The following DNAH8 variants were observed in gnomAD, a reference collection of about 807,000 sequenced individuals.
DNAH8 encodes the protein dynein axonemal heavy chain 8.
DNAH8 carries 382 observed loss-of-function variants against 562.1 expected under a neutral mutation model. The ratio of observed to expected loss-of-function variants is 0.68; its 90% CI spans 0.63 to 0.74. DNAH8 has a LOEUF of 0.74. Among genes scored for constraint, DNAH8 ranks in the 30% least tolerant of loss-of-function variants. The pLI is 0.00. For synonymous variants in DNAH8, 1,881 were observed against 1,919.4 expected, an observed-to-expected ratio of 0.98 and a Z score of 0.52; for missense variants, 5,203 against 5,620.4, an observed-to-expected ratio of 0.93 and a Z score of 2.37.
At chr6:38,893,420 G>C (rs1322639833) in intron 58 of DNAH8, among the ~76,000 whole-genome samples, 1 of 152,098 alleles carries the variant, frequency 6.6e-6, no homozygotes, top group African/African-American at 2.4e-5. Flanking sequence ...GAAGAAGAAG[G>C]AAAGAAAGGA....
chr6:38,783,234 A>C (rs1025074213), intron 17 of DNAH8, 95 bp downstream of exon 17: 1 of 1,094,068 alleles, frequency 9.1e-7, no homozygotes, highest in Non-Finnish European at 1.3e-6. Context: ...CCTTCCACAT[A>C]ATCTTAGGAT....
At chr6:39,006,362 T>C (rs549654348) in intron 88 of DNAH8, among the ~76,000 whole-genome samples, 1 of 152,362 alleles carries the variant, frequency 6.6e-6, no homozygotes, top group South Asian at 2.1e-4. Flanking sequence ...TGTTTATAGT[T>C]TCCTCTTTAA....
intron 72 of DNAH8, 92 bp downstream of exon 72, chr6:38,923,277 C>A: frequency 6.8e-7 from 1 of 1,470,410 alleles, no homozygotes; most frequent in South Asian, 1.3e-5. Flanking sequence ...TGAATCCCAT[C>A]ATCTATGACA....
intron 24 of DNAH8, among the ~76,000 whole-genome samples, chr6:38,812,738 G>GA (rs11308148): frequency 4.4e-4 from 65 of 148,446 alleles, no homozygotes; most frequent in Admixed American, 1.3e-3. Flanking sequence ...TCTTGAAGAT[G>GA]AAAAAAAAAA....
In DNAH8 at chr6:38,730,092, G is replaced by A. The variant is rs1486110902; in HGVS notation, c.610+106G>A. ...ATAATCCTTTATTTATAAAGAAAATGTTACCAGAAGTTTATGTATAAGAAA... is the reference window on the plus strand; with the variant it reads ...ATAATCCTTTATTTATAAAGAAAATATTACCAGAAGTTTATGTATAAGAAA... On this transcript the variant is annotated intron_variant, in intron 4 of 92. Coordinates refer to ENST00000327475, the MANE Select transcript of DNAH8 (RefSeq NM_001206927.2). The A allele has an allele frequency of 8.4e-6, 5 of 596,282 alleles. No homozygotes were observed. In the African/African-American group the frequency reaches 9.5e-5, roughly 11 times the overall value. 36.9% of individuals were successfully genotyped at this position (596,282 alleles called of 1,614,324 possible).
At chr6:38,982,226 T>A in intron 85 of DNAH8, 120 bp from the exon 86 acceptor site, 1 of 647,380 alleles carries the variant, frequency 1.5e-6, no homozygotes, top group Non-Finnish European at 2.8e-6. Context: ...TTGTATATAC[T>A]ATTCTTTTAA....
intron 69 of DNAH8, 48 bp downstream of exon 69, chr6:38,917,454 C>T (rs373237948): frequency 7.2e-6 from 11 of 1,521,248 alleles, no homozygotes; most frequent in African/African-American, 2.7e-5. Context: ...ATCAGGCGTC[C>T]TCAGCCCAGG....
chr6:38,776,495 G>A (rs2127631978), intron 13 of DNAH8, among the ~76,000 whole-genome samples: 1 of 152,260 alleles, frequency 6.6e-6, no homozygotes, highest in Middle Eastern at 3.4e-3. Flanking sequence ...TGAGATTACA[G>A]GCATGAGCCA....
intron 41 of DNAH8, among the ~76,000 whole-genome samples, chr6:38,854,426 A>G (rs1776020589): frequency 1.3e-5 from 2 of 152,184 alleles, no homozygotes; most frequent in African/African-American, 2.4e-5. Context: ...CCTGAGCTCC[A>G]AATCCTGAAT....
chr6:38,985,536 T>G lies in DNAH8; in HGVS notation c.13053+1229T>G, dbSNP rs117099063. On this transcript the variant is annotated intron_variant, in intron 87 of 92. Transcript: ENST00000327475. ...GCTACATATGGAGAACTGTGAAAAATAATAAGTGTTGGTGAGAATGTGCGG... is the reference window on the plus strand; with the variant it reads ...GCTACATATGGAGAACTGTGAAAAAGAATAAGTGTTGGTGAGAATGTGCGG... 5.3e-5 allele frequency among the ~76,000 whole-genome samples: 8 copies of G among 152,274 alleles called. No individual in the cohort carries two copies. In the East Asian group the frequency reaches 1.5e-3, roughly 29 times the overall value.
At chr6:38,886,409 C>T (rs993504631) in intron 56 of DNAH8, among the ~76,000 whole-genome samples, 1 of 152,144 alleles carries the variant, frequency 6.6e-6, no homozygotes, top group Non-Finnish European at 1.5e-5. Flanking sequence ...AGGACAGAAA[C>T]CATCCTACAT....
intron 82 of DNAH8, among the ~76,000 whole-genome samples, chr6:38,966,547 C>G (rs182977764): frequency 6.6e-6 from 1 of 152,092 alleles, no homozygotes; most frequent in African/African-American, 2.4e-5. Context: ...AACTACAGAC[C>G]ATTATCCCTT....
At chr6:38,948,212 A>G (rs1761588853) in intron 80 of DNAH8, among the ~76,000 whole-genome samples, 1 of 152,240 alleles carries the variant, frequency 6.6e-6, no homozygotes, top group Admixed American at 6.5e-5. Flanking sequence ...TCTATGCCTC[A>G]ATAAAAAGTA....
In DNAH8 at chr6:39,030,589, A is replaced by G. The variant is rs1767609938; in HGVS notation, c.*197A>G. On this transcript the variant is annotated 3_prime_UTR_variant, in exon 93 of 93. Transcript: ENST00000327475. ...TATTCAAAAAGATAACTCTAAATGAATGTTTTTTATTCTGGGAAATCATAT... is the reference window on the plus strand; with the variant it reads ...TATTCAAAAAGATAACTCTAAATGAGTGTTTTTTATTCTGGGAAATCATAT... The G allele has an allele frequency of 7.6e-6, 4 of 526,672 alleles. No homozygotes were observed. The South Asian group carries it at 1.2e-4, about 15-fold the overall frequency. 32.6% of individuals were successfully genotyped at this position (526,672 alleles called of 1,614,324 possible).
intron 26 of DNAH8, among the ~76,000 whole-genome samples, chr6:38,818,392 A>G (rs1371381682): frequency 6.6e-6 from 1 of 152,114 alleles, no homozygotes; most frequent in African/African-American, 2.4e-5. Context: ...TAAGAATTCT[A>G]TTATCTGCAA....
chr6:38,855,984 A>T (rs1776166563), intron 41 of DNAH8, among the ~76,000 whole-genome samples: 1 of 152,168 alleles, frequency 6.6e-6, no homozygotes, highest in African/African-American at 2.4e-5. Flanking sequence ...TCCATGGAAA[A>T]ATTGTCTTCC....
chr6:38,838,136 G>A, intron 33 of DNAH8, 94 bp downstream of exon 33: 1 of 755,516 alleles, frequency 1.3e-6, no homozygotes, highest in Admixed American at 2.7e-5. Context: ...ATCATGCAGA[G>A]GACACTACAG....
At chr6:38,884,205 A>G (rs1320115807) in intron 56 of DNAH8, among the ~76,000 whole-genome samples, 1 of 151,782 alleles carries the variant, frequency 6.6e-6, no homozygotes, top group Non-Finnish European at 1.5e-5. Context: ...TTTTTTTATT[A>G]AACTTTAAGT....
intron 70 of DNAH8, among the ~76,000 whole-genome samples, chr6:38,918,782 A>T (rs892735606): frequency 3.9e-5 from 6 of 152,146 alleles, no homozygotes; most frequent in Non-Finnish European, 7.4e-5. Flanking sequence ...CATGAAATGT[A>T]TCACTCAGAT....
Sources: gnomAD v4.1 joint callset for allele counts (sites outside exome capture counted in the v4.1 genomes callset) on GRCh38, gnomAD v4.1.1 for gene constraint, MANE v1.5 for transcripts, NCBI Gene and HGNC (gene_info 2026-07-23, HGNC 2026-07-21) for gene names.